Variants in PCDH11X observed in about 807,000 individuals in gnomAD.
PCDH11X encodes protocadherin-11 X-linked.
Under a neutral mutation model 53.3 loss-of-function variants are expected in PCDH11X, and 18 were observed. The ratio of observed to expected loss-of-function variants is 0.34; its 90% confidence interval spans 0.23 to 0.50. The LOEUF (loss-of-function observed/expected upper bound fraction) is 0.50, where lower values mean the gene tolerates loss of function less well. PCDH11X is among the 20% of genes least tolerant of loss of function. The pLI, the probability that PCDH11X is intolerant of heterozygous loss-of-function variation, is 0.98. For missense variants in PCDH11X, 570 were observed against 1,032.4 expected (o/e 0.55, Z 6.14); for synonymous variants, 279 against 393.3 (o/e 0.71, Z 3.44).
chrX:92,089,358 C>T (rs1321134004), intron 6 of PCDH11X, among the ~76,000 whole-genome samples: 1 of 110,395 alleles, frequency 9.1e-6, no homozygotes, highest in African/African-American at 3.3e-5. Context: ...CTCACATAGT[C>T]ATATATAATT....
intron 10 of PCDH11X, among the ~76,000 whole-genome samples, chrX:92,521,858 TC>T (rs1409272733): frequency 9.2e-6 from 1 of 108,625 alleles, no homozygotes; most frequent in East Asian, 2.9e-4. Flanking sequence ...TCCTTCAACC[TC>T]ATGAACCAAC....
intron 6 of PCDH11X, among the ~76,000 whole-genome samples, chrX:91,995,259 T>C (rs908134965): frequency 3.6e-5 from 4 of 109,926 alleles, no homozygotes; most frequent in Admixed American, 1.9e-4. Context: ...AAAACACTGC[T>C]GAGACAAATG....
intron 10 of PCDH11X, among the ~76,000 whole-genome samples, chrX:92,554,424 T>A (rs1453616341): frequency 9.2e-6 from 1 of 109,179 alleles, no homozygotes; most frequent in Admixed American, 9.9e-5. Context: ...AAAAATTTTA[T>A]GGGTACAGGG....
intron 8 of PCDH11X, among the ~76,000 whole-genome samples, chrX:92,379,397 T>C (rs980031348): frequency 5.3e-5 from 6 of 112,627 alleles, no homozygotes; most frequent in African/African-American, 1.9e-4. Context: ...CTCAGCCCCC[T>C]CCAGACTTTG....
chrX:92,175,785 T>TATACACACAC (rs1556140527), intron 6 of PCDH11X, among the ~76,000 whole-genome samples: 3 of 83,817 alleles, frequency 3.6e-5, no homozygotes, highest in African/African-American at 1.3e-4. Flanking sequence ...TGTATATATA[T>TATACACACAC]ACACACACAC....
intron 6 of PCDH11X, among the ~76,000 whole-genome samples, chrX:92,109,850 AG>A (rs1337543491): frequency 4.4e-5 from 5 of 112,507 alleles, no homozygotes; most frequent in African/African-American, 1.3e-4. Context: ...GACAGCTTAA[AG>A]GTTAGAAGCA....
intron 6 of PCDH11X, among the ~76,000 whole-genome samples, chrX:92,139,179 A>G (rs184474839): frequency 9.4e-6 from 1 of 105,939 alleles, no homozygotes; most frequent in African/African-American, 3.5e-5. Context: ...AATACCTGGT[A>G]TTATCTACAG....
chrX:92,068,750 G>C (rs1169309797), intron 6 of PCDH11X, among the ~76,000 whole-genome samples: 1 of 110,018 alleles, frequency 9.1e-6, no homozygotes, highest in Non-Finnish European at 1.9e-5. Flanking sequence ...ATGTTGGCCA[G>C]GCTGGTCTTG....
chrX:92,375,601 A>G (rs771496559), intron 8 of PCDH11X, among the ~76,000 whole-genome samples: 31 of 109,742 alleles, frequency 2.8e-4, no homozygotes, highest in African/African-American at 1.0e-3. Flanking sequence ...ACCTGTTTAC[A>G]TGACTTTTAA....
At chrX:92,353,767 A>G (rs1282414627) in intron 8 of PCDH11X, among the ~76,000 whole-genome samples, 1 of 110,154 alleles carries the variant, frequency 9.1e-6, no homozygotes, top group Non-Finnish European at 1.9e-5. Context: ...ATGAAATTCT[A>G]TTTTATCTTA....
intron 7 of PCDH11X, among the ~76,000 whole-genome samples, chrX:92,248,244 G>A (rs749094776): frequency 2.8e-4 from 31 of 111,268 alleles, no homozygotes; most frequent in Non-Finnish European, 5.3e-4. Flanking sequence ...TTCTCAATCT[G>A]TTATAAGCTA....
intron 9 of PCDH11X, among the ~76,000 whole-genome samples, chrX:92,467,428 G>A (rs1603337533): frequency 9.1e-6 from 1 of 110,452 alleles, no homozygotes; most frequent in Non-Finnish European, 1.9e-5. Context: ...TATCCATAAT[G>A]GATATTATTA....
intron 9 of PCDH11X, among the ~76,000 whole-genome samples, chrX:92,457,777 T>C (rs1472162033): frequency 9.1e-6 from 1 of 109,548 alleles, no homozygotes; most frequent in Non-Finnish European, 1.9e-5. Context: ...GTGAAAGTAA[T>C]AGAACATTAC....
At chrX:92,256,093 G>T (rs886143720) in intron 7 of PCDH11X, among the ~76,000 whole-genome samples, 13 of 112,237 alleles carry the variant, frequency 1.2e-4, no homozygotes, top group African/African-American at 4.2e-4. Flanking sequence ...GAGACTCCGT[G>T]GGGTAGGACC....
chrX:92,543,915 G>A (rs1348222589), intron 10 of PCDH11X, among the ~76,000 whole-genome samples: 1 of 107,944 alleles, frequency 9.3e-6, no homozygotes, highest in Non-Finnish European at 1.9e-5. Flanking sequence ...ATATAGACAC[G>A]CTAATATAAC....
intron 5 of PCDH11X, among the ~76,000 whole-genome samples, chrX:91,842,986 A>G (rs1183900136): frequency 1.5e-4 from 16 of 106,256 alleles, no homozygotes; most frequent in African/African-American, 5.5e-4. Flanking sequence ...CTTCAATACA[A>G]TGAAGTGAAA....
At chrX:92,239,441 A>G (rs1198113214) in intron 7 of PCDH11X, among the ~76,000 whole-genome samples, 1 of 111,724 alleles carries the variant, frequency 9.0e-6, no homozygotes, top group Non-Finnish European at 1.9e-5. Context: ...TGTAATATTC[A>G]TGGTAAATTT....
Position 91,801,179 on chromosome X carries a change from C to CAAA in PCDH11X, c.-378-8270_-378-8268dup, listed in dbSNP as rs72093084. Among the ~76,000 whole-genome samples the CAAA allele has an allele frequency of 9.7e-4, 31 of 31,924 alleles. 1 individual carries two copies. Among genetic ancestry groups the CAAA allele is most frequent in the African/African-American group, 3.2e-3 (28 of 8,682 alleles). The allele number at this position is 31,924 out of a possible 115,157, so 27.7% of individuals were successfully genotyped here. ...TGGGCAACAGAACAAGACCCTGCCTCAAAAAAAAAAAAAAAAAAAGAGTTT... is the reference window on the plus strand; with the variant it reads ...TGGGCAACAGAACAAGACCCTGCCTCAAAAAAAAAAAAAAAAAAAAAAGAGTTT... On this transcript the variant is annotated intron_variant, in intron 1 of 10. Coordinates refer to ENST00000682573, the MANE Select transcript of PCDH11X (RefSeq NM_032968.5).
chrX:92,467,365 A>C (rs1252478696), intron 9 of PCDH11X, among the ~76,000 whole-genome samples: 1 of 111,004 alleles, frequency 9.0e-6, no homozygotes, highest in African/African-American at 3.3e-5. Context: ...TAATATTCTA[A>C]TTTTATTCAA....
Sources: allele counts gnomAD v4.1 joint callset (sites outside exome capture counted in the v4.1 genomes callset), GRCh38; gene constraint gnomAD v4.1.1; transcripts MANE v1.5; gene names NCBI Gene and HGNC (gene_info 2026-07-23, HGNC 2026-07-21).